BRI3: variants seen among roughly 807,000 people sequenced by gnomAD.
The protein encoded by BRI3 is brain protein I3, also known as membrane protein BRI3.
Under a neutral mutation model 12.8 loss-of-function variants are expected in BRI3, and 6 were observed. The observed-to-expected ratio is 0.47, with a 90% CI of 0.26 to 0.93. The LOEUF (loss-of-function observed/expected upper bound fraction) is 0.93. Ranked by LOEUF, BRI3 falls within the 40% of genes least tolerant of loss-of-function variation. BRI3 has a pLI of 0.15. For missense variants in BRI3, 134 were observed against 171.1 expected, an observed-to-expected ratio of 0.78 and a Z score of 1.21; for synonymous variants, 91 against 76.1, an observed-to-expected ratio of 1.20 and a Z score of -1.02.
downstream of BRI3, chr7:98,312,315 C>G (rs1344460787): frequency 6.5e-7 from 1 of 1,543,302 alleles, no homozygotes. Context: ...GTCTGAAGAG[C>G]TGAGAAAAAT....
At chr7:98,290,816 A>G (rs1266162176) in intron 2 of BRI3, among the ~76,000 whole-genome samples, 1 of 152,254 alleles carries the variant, frequency 6.6e-6, no homozygotes, top group Non-Finnish European at 1.5e-5. Flanking sequence ...TTTCAAGGTT[A>G]ACTGATGAGT....
At chr7:98,321,977 T>C in the BRI3 span, among the ~76,000 whole-genome samples, 30 of 152,146 alleles carry the variant, frequency 2.0e-4, no homozygotes, top group Middle Eastern at 0.01. Flanking sequence ...GTGCCTGTAA[T>C]CCCAGCTACT....
At chr7:98,304,329 C>G, upstream of BRI3, 1 of 1,613,696 alleles carries the variant, frequency 6.2e-7, no homozygotes, top group Non-Finnish European at 8.5e-7. Flanking sequence ...GACAACACTG[C>G]TATTCTCAGA....
downstream of BRI3, among the ~76,000 whole-genome samples, chr7:98,295,427 C>T (rs1055688833): frequency 3.3e-5 from 5 of 152,220 alleles, no homozygotes; most frequent in African/African-American, 4.8e-5. Flanking sequence ...TGACTTCCTG[C>T]GGGGCACTCA....
chr7:98,307,865 T>C (rs1158022748), exon 2 of BRI3: 3 of 1,614,268 alleles, frequency 1.9e-6, no homozygotes, highest in Admixed American at 1.7e-5. Context: ...CAACCGAAAC[T>C]GATCGCTGTA....
chr7:98,303,260 C>T (rs1359080809), upstream of BRI3, among the ~76,000 whole-genome samples: 3 of 152,164 alleles, frequency 2.0e-5, no homozygotes, highest in African/African-American at 4.8e-5. Context: ...CACTCCACAC[C>T]TGGGCACCAC....
downstream of BRI3, chr7:98,293,483 A>G: frequency 6.3e-7 from 1 of 1,582,948 alleles, no homozygotes; most frequent in Non-Finnish European, 8.7e-7. Flanking sequence ...TCCGCAAGGG[A>G]GAACCGGAGA....
upstream of BRI3, among the ~76,000 whole-genome samples, chr7:98,302,214 G>A (rs1383018819): frequency 6.6e-6 from 1 of 152,166 alleles, no homozygotes; most frequent in Non-Finnish European, 1.5e-5. Flanking sequence ...AGTAAGAATG[G>A]CGGCGACAGT....
At chr7:98,286,385 G>A (rs6968144) in intron 2 of BRI3, among the ~76,000 whole-genome samples, 58,211 of 152,152 alleles carry the variant, frequency 0.38, 12,726 homozygotes, top group Middle Eastern at 0.54. Flanking sequence ...CCTTAAGGGA[G>A]TGCTCTTGGA....
chr7:98,306,632 T>C (rs2116854043), exon 1 of BRI3: 3 of 1,445,336 alleles, frequency 2.1e-6, no homozygotes, highest in Non-Finnish European at 2.8e-6. Flanking sequence ...GAAACGCCCA[T>C]GTGTGGAGGA....
At chr7:98,285,472 T>G (rs1211888398) in intron 2 of BRI3, among the ~76,000 whole-genome samples, 1 of 152,114 alleles carries the variant, frequency 6.6e-6, no homozygotes, top group South Asian at 2.1e-4. Context: ...GTATGGCCTG[T>G]GGGCTGTCCC....
chr7:98,282,477 A>G (rs746188868), intron 2 of BRI3, 24 bp downstream of exon 2: 2 of 1,598,956 alleles, frequency 1.3e-6, no homozygotes, highest in African/African-American at 2.7e-5. Context: ...CAGCCTGGGG[A>G]CTGGCCCTGG....
At chr7:98,295,715 G>C (rs971065159), downstream of BRI3, among the ~76,000 whole-genome samples, 2 of 152,070 alleles carry the variant, frequency 1.3e-5, no homozygotes, top group African/African-American at 4.8e-5. Flanking sequence ...GCTTATGCTA[G>C]GGGAAGGCGC....
At chr7:98,297,798 TCAG>T (rs1800252742), downstream of BRI3, among the ~76,000 whole-genome samples, 1 of 152,202 alleles carries the variant, frequency 6.6e-6, no homozygotes, top group African/African-American at 2.4e-5. Context: ...CTGGCGGCTC[TCAG>T]GAGGGGCTCA....
At chr7:98,316,761 T>C in the BRI3 span, among the ~76,000 whole-genome samples, 13 of 152,140 alleles carry the variant, frequency 8.5e-5, no homozygotes, top group East Asian at 2.3e-3. Flanking sequence ...TTAACCAACC[T>C]CTCCTTCATC....
chr7:98,292,472 T>TA, downstream of BRI3: 1 of 675,156 alleles, frequency 1.5e-6, no homozygotes, highest in East Asian at 2.8e-5. Flanking sequence ...GGGCTGGGAA[T>TA]TTTAACCATG....
intron 1 of BRI3, among the ~76,000 whole-genome samples, chr7:98,299,533 T>C (rs766801189): frequency 2.6e-5 from 4 of 151,926 alleles, no homozygotes; most frequent in Non-Finnish European, 5.9e-5. Context: ...TATTTTTATA[T>C]ATAGAGAGAG....
chr7:98,310,491 G>C, downstream of BRI3: 1 of 1,607,338 alleles, frequency 6.2e-7, no homozygotes, highest in Non-Finnish European at 8.5e-7. Flanking sequence ...CCGTGGCTGG[G>C]TTATTAAACA....
downstream of BRI3, among the ~76,000 whole-genome samples, chr7:98,311,453 A>G (rs921026850): frequency 6.6e-6 from 1 of 151,804 alleles, no homozygotes; most frequent in East Asian, 1.9e-4. Flanking sequence ...CTGAGGCAGA[A>G]TGGCGTGAAC....
Sources: allele counts gnomAD v4.1 joint callset (sites outside exome capture counted in the v4.1 genomes callset), GRCh38; gene constraint gnomAD v4.1.1; transcripts MANE v1.5; gene names NCBI Gene and HGNC (gene_info 2026-07-23, HGNC 2026-07-21).